Variants in ANO4 observed in about 807,000 individuals in gnomAD.
ANO4 encodes the protein anoctamin 4.
ANO4 carries 69 observed loss-of-function variants against 141.9 expected under a neutral mutation model. That is an observed-to-expected ratio of 0.49 (90% CI 0.40 to 0.59). The LOEUF (loss-of-function observed/expected upper bound fraction) is 0.59. ANO4 is among the 20% of genes least tolerant of loss of function. The pLI is 0.00. For synonymous variants in ANO4, 350 were observed against 394.3 expected, an observed-to-expected ratio of 0.89 and a Z score of 1.33; for missense variants, 894 against 1,162.2, an observed-to-expected ratio of 0.77 and a Z score of 3.36.
chr12:100,967,684 A>G (rs753877736), intron 5 of ANO4, among the ~76,000 whole-genome samples: 11 of 152,114 alleles, frequency 7.2e-5, no homozygotes, highest in Non-Finnish European at 1.6e-4. Flanking sequence ...AAAAACCTTT[A>G]ATAGCCCCAA....
chr12:101,126,855 C>G lies in ANO4; in HGVS notation c.2677-24C>G, dbSNP rs376286852. On this transcript the variant is annotated intron_variant, in intron 26 of 27. Coordinates refer to ENST00000392977, the MANE Select transcript of ANO4 (RefSeq NM_001286615.2). ...TTCAGGATGCACAGTAGACCTGACG[C>G]TGTTACATTCTCCTCTGTTTTAGCA... 1.8e-4 allele frequency: 284 copies of G among 1,574,496 alleles called. 2 individuals carry two copies. The Admixed American group carries it at 3.6e-3, about 20-fold the overall frequency.
chr12:101,097,678 G>A lies in ANO4; in HGVS notation c.1878G>A (p.Leu626=). ...GRFTGHPGAY[L]RLINRWRLEE... ...TTACAGGACACCCAGGTGCCTACTT[G>A]AGGCTGATAAACAGGTGGAGACTAG... The change falls in exon 20 of 28, where the codon TTG becomes TTA. Residue 626 remains leucine, a synonymous_variant. Transcript: ENST00000392977. 1 of 1,613,834 alleles carries A rather than the reference G, an allele frequency of 6.2e-7. No individual in the cohort carries two copies. The highest frequency in any genetic ancestry group is 8.5e-7 in the Non-Finnish European group (1 of 1,179,818).
At chr12:100,776,502 G>A (rs1304406336) in intron 3 of ANO4, among the ~76,000 whole-genome samples, 4 of 152,134 alleles carry the variant, frequency 2.6e-5, no homozygotes, top group Non-Finnish European at 5.9e-5. Flanking sequence ...CTTTCATTGG[G>A]GGATACAGGG....
intron 1 of ANO4, among the ~76,000 whole-genome samples, chr12:100,873,475 A>G (rs2039134486): frequency 6.6e-6 from 1 of 152,204 alleles, no homozygotes; most frequent in South Asian, 2.1e-4. Flanking sequence ...CTTTTGTTAT[A>G]CACTAGGAAA....
At chr12:100,761,428 G>T (rs2032853680) in intron 3 of ANO4, among the ~76,000 whole-genome samples, 1 of 152,214 alleles carries the variant, frequency 6.6e-6, no homozygotes, top group African/African-American at 2.4e-5. Flanking sequence ...TCCAGAAAAG[G>T]TGGATGGGGC....
chr12:100,744,406 G>C (rs1440500203), intron 3 of ANO4, among the ~76,000 whole-genome samples: 4 of 152,140 alleles, frequency 2.6e-5, no homozygotes, highest in African/African-American at 9.7e-5. Context: ...CTGTCTTCAT[G>C]GTTTCTAGCT....
chr12:101,120,667 T>C (rs1220618116), intron 26 of ANO4, 42 bp downstream of exon 26: 1 of 1,498,954 alleles, frequency 6.7e-7, no homozygotes, highest in Non-Finnish European at 9.3e-7. Context: ...TTTGACATAA[T>C]GAAGTCAGTA....
At chr12:101,099,428 A>T in intron 21 of ANO4, 150 bp from the exon 22 acceptor site, 1 of 679,712 alleles carries the variant, frequency 1.5e-6, no homozygotes, top group Non-Finnish European at 2.4e-6. Context: ...CTCCATTGTT[A>T]TTTTCTTCCT....
chr12:101,086,450 C>T (rs188059513), intron 16 of ANO4, among the ~76,000 whole-genome samples: 73 of 151,972 alleles, frequency 4.8e-4, no homozygotes, highest in Non-Finnish European at 9.3e-4. Context: ...AACTTTCAAG[C>T]GTGTAGTTCT....
intron 22 of ANO4, 26 bp from the exon 23 acceptor site, chr12:101,110,378 G>T (rs750964440): frequency 6.3e-7 from 1 of 1,589,232 alleles, no homozygotes; most frequent in East Asian, 2.3e-5. Context: ...AATACTCTCT[G>T]CTCTTTTTCC....
At chr12:101,016,940 A>G (rs537125908) in intron 8 of ANO4, among the ~76,000 whole-genome samples, 1 of 152,214 alleles carries the variant, frequency 6.6e-6, no homozygotes, top group Non-Finnish European at 1.5e-5. Flanking sequence ...AGGTGGCACT[A>G]CTGGAGTATA....
intron 18 of ANO4, 101 bp downstream of exon 18, chr12:101,094,393 T>C: frequency 1.1e-6 from 1 of 922,458 alleles, no homozygotes; most frequent in Non-Finnish European, 1.6e-6. Flanking sequence ...ATAGTCCCTT[T>C]ATTTTAAAAT....
At chr12:101,112,492 A>G (rs2050698530) in intron 24 of ANO4, among the ~76,000 whole-genome samples, 1 of 152,208 alleles carries the variant, frequency 6.6e-6, no homozygotes, top group Admixed American at 6.5e-5. Context: ...AACTCTTATT[A>G]TGGGATTTTG....
At chr12:100,868,696 C>G (rs1427287739) in intron 1 of ANO4, among the ~76,000 whole-genome samples, 1 of 152,252 alleles carries the variant, frequency 6.6e-6, no homozygotes, top group Non-Finnish European at 1.5e-5. Context: ...CCTCCTCCCC[C>G]TTGTGGGAGT....
chr12:100,738,033 C>T (rs973589684), intron 2 of ANO4, among the ~76,000 whole-genome samples: 1 of 152,160 alleles, frequency 6.6e-6, no homozygotes, highest in African/African-American at 2.4e-5. Flanking sequence ...ACTCGATTAG[C>T]TCCTTATTTT....
intron 18 of ANO4, among the ~76,000 whole-genome samples, chr12:101,096,056 C>T (rs1441517350): frequency 1.3e-5 from 2 of 152,152 alleles, no homozygotes; most frequent in Non-Finnish European, 2.9e-5. Context: ...GAGTCAAATG[C>T]TCTTAGCCTT....
chr12:100,886,685 T>C (rs1309626760), intron 1 of ANO4, among the ~76,000 whole-genome samples: 2 of 152,190 alleles, frequency 1.3e-5, no homozygotes, highest in African/African-American at 4.8e-5. Flanking sequence ...TAAGTTTTAT[T>C]AGAACTCAGT....
rs1312480115 is a variant in ANO4, at chr12:101,097,858, G to T, written c.1919G>T (p.Ser640Ile). 1 of 1,613,802 alleles carries T rather than the reference G, an allele frequency of 6.2e-7. No homozygotes were observed. The highest frequency in any genetic ancestry group is 1.1e-5 in the South Asian group (1 of 91,068). The change falls in exon 21 of 28, where the codon AGT becomes ATT. Residue 640 changes from serine (S) to isoleucine (I), a missense_variant. Physicochemically the swap from Ser to Ile is moderately radical, Grantham distance 142. This residue lies in a region of ANO4 where 637 missense variants were observed against 909.2 expected (regional missense o/e 0.70). Transcript: ENST00000392977. ...NRWRLEECHP[S>I]GCLIDLCMQM... is the part of the protein sequence containing the mutation. ...TTGCTTACCTTGCAGTGCCACCCTA[G>T]TGGATGCCTTATTGATCTGTGTATG...
At chr12:100,794,040 A>G (rs1403391851), upstream of ANO4, among the ~76,000 whole-genome samples, 3 of 152,196 alleles carry the variant, frequency 2.0e-5, no homozygotes, top group Non-Finnish European at 4.4e-5. Flanking sequence ...GGACATGTTA[A>G]CTATCTTCAG....
Sources: gnomAD v4.1 joint callset for allele counts (sites outside exome capture counted in the v4.1 genomes callset) on GRCh38, gnomAD v4.1.1 for gene constraint, gnomAD v4.1.1 regional missense constraint, MANE v1.5 for transcripts, NCBI Gene and HGNC (gene_info 2026-07-23, HGNC 2026-07-21) for gene names.